PLEKHG3: variants seen among roughly 807,000 people sequenced by gnomAD.
The protein encoded by PLEKHG3 is pleckstrin homology and RhoGEF domain containing G3, also known as pleckstrin homology domain-containing family G member 3.
Under a neutral mutation model 94.9 loss-of-function variants are expected in PLEKHG3, and 62 were observed. The observed-to-expected ratio is 0.65, with a 90% CI of 0.53 to 0.81. The LOEUF (loss-of-function observed/expected upper bound fraction) is 0.81, where lower values mean the gene tolerates loss of function less well. PLEKHG3 is among the 30% of genes least tolerant of loss of function. The pLI is 0.00. For missense variants in PLEKHG3, 1,461 were observed against 1,619.3 expected (o/e 0.90, Z 1.68); for synonymous variants, 614 against 654.0 (o/e 0.94, Z 0.93).
Position 64,730,217 on chromosome 14 carries a change from A to C in PLEKHG3, c.450-26A>C. 2 of 1,337,296 alleles carry C rather than the reference A, an allele frequency of 1.5e-6. No homozygotes were observed. Among genetic ancestry groups the C allele is most frequent in the Non-Finnish European group, 2.1e-6 (2 of 965,398 alleles). The allele number at this position is 1,337,296 out of a possible 1,614,324, so 82.8% of individuals were successfully genotyped here. A position where few individuals can be genotyped will look rare whatever the true frequency, so the allele number is the denominator to read the frequency against. On this transcript the variant is annotated intron_variant, in intron 3 of 16. Coordinates refer to ENST00000247226, the MANE Select transcript of PLEKHG3 (RefSeq NM_001308147.2). This position sits in a 1 kb window ranked among gnomAD's most constrained non-coding sequence, Gnocchi z 5.4. ...GCATTGTCCTCTGACTGCAGAGGGT[A>C]CAGTGGCTGCTCTCCCCTCACCCAG...
At position 64,738,556 on chromosome 14, in the gene PLEKHG3, G is replaced by T. The variant is rs1440350975; in HGVS notation, c.1405-186G>T. Among the ~76,000 whole-genome samples the T allele has an allele frequency of 6.6e-6, 1 of 152,236 alleles. No individual in the cohort carries two copies. The highest frequency in any genetic ancestry group is 1.5e-5 in the Non-Finnish European group (1 of 68,048). ...GGGCTGAGGTTTTTTGAAGCTGCAT[G>T]CCTGACAAGGCTTTCCGCAGCCCCA... On this transcript the variant is annotated intron_variant, in intron 14 of 16. Coordinates refer to ENST00000247226, the MANE Select transcript of PLEKHG3 (RefSeq NM_001308147.2). The surrounding 1 kb of genome is among the most constrained non-coding windows in gnomAD (Gnocchi z 4.8).
At position 64,731,591 on chromosome 14, in the gene PLEKHG3, A is replaced by G; in HGVS notation, c.1032+48A>G. The G allele has an allele frequency of 6.3e-7, 1 of 1,586,034 alleles. No individual in the cohort carries two copies. The highest frequency in any genetic ancestry group is 8.7e-7 in the Non-Finnish European group (1 of 1,155,208). On this transcript the variant is annotated intron_variant, in intron 8 of 16. Transcript: ENST00000247226. The surrounding 1 kb of genome is among the most constrained non-coding windows in gnomAD (Gnocchi z 6.1). ...CCTCTGCCATCTTCTCTCCTTCCCAAAGGATCTGGGCTCCCCTTCTTGTCT... is the reference window on the plus strand; with the variant it reads ...CCTCTGCCATCTTCTCTCCTTCCCAGAGGATCTGGGCTCCCCTTCTTGTCT...
chr14:64,709,388 G>A (rs1278387536), intron 1 of PLEKHG3, among the ~76,000 whole-genome samples: 1 of 152,182 alleles, frequency 6.6e-6, no homozygotes, highest in African/African-American at 2.4e-5. Flanking sequence ...TACAGTTCTG[G>A]CGGCTGGCCT....
At position 64,749,298 on chromosome 14, in the gene PLEKHG3, C is replaced by A; in HGVS notation, c.*5595C>A. ...TCCCGACTCCGCCGCGCCCGCCAGC[C>A]CCACCTGCTACTTCTTTTTGGGGAA... On this transcript the variant is annotated 3_prime_UTR_variant, in exon 17 of 17. Coordinates refer to ENST00000247226, the MANE Select transcript of PLEKHG3 (RefSeq NM_001308147.2). The surrounding 1 kb of genome is among the most constrained non-coding windows in gnomAD (Gnocchi z 4.7). The A allele has an allele frequency of 6.3e-7, 1 of 1,593,364 alleles. No individual in the cohort carries two copies. Among genetic ancestry groups the A allele is most frequent in the East Asian group, 2.3e-5 (1 of 44,048 alleles).
At position 64,749,713 on chromosome 14, in the gene PLEKHG3, T is replaced by C. The variant is rs1384230730; in HGVS notation, c.*6010T>C. On this transcript the variant is annotated 3_prime_UTR_variant, in exon 17 of 17. Coordinates refer to ENST00000247226, the MANE Select transcript of PLEKHG3 (RefSeq NM_001308147.2). The surrounding 1 kb of genome is among the most constrained non-coding windows in gnomAD (Gnocchi z 4.7). ...TTACTCAGCCTAGGAGGACAAAGGGTTTCCTGTCATGGAGACACCTCTGGA... is the reference window on the plus strand; with the variant it reads ...TTACTCAGCCTAGGAGGACAAAGGGCTTCCTGTCATGGAGACACCTCTGGA... The C allele has an allele frequency of 6.2e-6, 10 of 1,612,928 alleles. No individual in the cohort carries two copies. Among genetic ancestry groups the C allele is most frequent in the African/African-American group, 1.3e-5 (1 of 74,848 alleles).
chr14:64,721,558 C>G lies in PLEKHG3; in HGVS notation c.-39-6035C>G, dbSNP rs1287920070. 2.0e-5 allele frequency among the ~76,000 whole-genome samples: 3 copies of G among 152,182 alleles called. No homozygotes were observed. The East Asian group carries it at 5.8e-4, about 29-fold the overall frequency. On this transcript the variant is annotated intron_variant, in intron 1 of 16. Transcript: ENST00000247226. The surrounding 1 kb of genome is among the most constrained non-coding windows in gnomAD (Gnocchi z 4.3). ...TTCCTGAGGGAAAATGAATTTGAAC[C>G]AGCTGGGCTGGGTTTGGGTGGCCCA... is the stretch of plus-strand genomic sequence containing the variant.
intron 1 of PLEKHG3, among the ~76,000 whole-genome samples, chr14:64,719,124 G>T (rs2081219819): frequency 6.6e-6 from 1 of 152,182 alleles, no homozygotes; most frequent in South Asian, 2.1e-4. Context: ...CTGTGTGTCT[G>T]CCCTTAGAAG....
chr14:64,717,739 G>A lies in PLEKHG3; in HGVS notation c.-39-9854G>A, dbSNP rs535873891. Among the ~76,000 whole-genome samples, 3 of 152,372 alleles carry A rather than the reference G, an allele frequency of 2.0e-5. No homozygotes were observed. The South Asian group carries it at 6.2e-4, about 32-fold the overall frequency. On this transcript the variant is annotated intron_variant, in intron 1 of 16. Coordinates refer to ENST00000247226, the MANE Select transcript of PLEKHG3 (RefSeq NM_001308147.2). The surrounding 1 kb of genome is among the most constrained non-coding windows in gnomAD (Gnocchi z 4.7). ...CGATCTCTCGCTCCTCCTCGAAGCT[G>A]TCTCTGAATAGCCAGCACCTTCCTG...
chr14:64,738,005 A>AG lies in PLEKHG3; in HGVS notation c.1404+631dup. The stretch of plus-strand genomic sequence containing the variant: ...AGGAGGAGGAGGAGGAGGAGGAGGA[A>AG]GAGCAGGCCTTTCAGGTCTCTCTGG... On this transcript the variant is annotated intron_variant, in intron 14 of 16. Coordinates refer to ENST00000247226, the MANE Select transcript of PLEKHG3 (RefSeq NM_001308147.2). The surrounding 1 kb of genome is among the most constrained non-coding windows in gnomAD (Gnocchi z 4.8). 1.7e-6 allele frequency: 2 copies of AG among 1,185,434 alleles called. No homozygotes were observed. The highest frequency in any genetic ancestry group is 2.2e-6 in the Non-Finnish European group (2 of 928,480). The allele number at this position is 1,185,434 out of a possible 1,614,324, so 73.4% of individuals were successfully genotyped here.
rs1432868890 is a variant in PLEKHG3, at chr14:64,717,821, C to G, written c.-39-9772C>G. Among the ~76,000 whole-genome samples, 1 of 152,216 alleles carries G rather than the reference C, an allele frequency of 6.6e-6. No homozygotes were observed. Among genetic ancestry groups the G allele is most frequent in the East Asian group, 1.9e-4 (1 of 5,198 alleles). On this transcript the variant is annotated intron_variant, in intron 1 of 16. Coordinates refer to ENST00000247226, the MANE Select transcript of PLEKHG3 (RefSeq NM_001308147.2). This position sits in a 1 kb window ranked among gnomAD's most constrained non-coding sequence, Gnocchi z 4.7. ...CTCTAGGGACACCTGCAGCCACAGC[C>G]CATATCATGGTTTGGACCTTTTTAG...
At position 64,707,298 on chromosome 14, in the gene PLEKHG3, G is replaced by A. The variant is rs149618815; in HGVS notation, c.-40+2594G>A. On this transcript the variant is annotated intron_variant, in intron 1 of 16. Coordinates refer to ENST00000247226, the MANE Select transcript of PLEKHG3 (RefSeq NM_001308147.2). The stretch of plus-strand genomic sequence containing the variant: ...ATCTGGGCCCCACAACTCACCTCTG[G>A]CCAGATTCCCACACCGTCTTTTCTC... Among the ~76,000 whole-genome samples the A allele has an allele frequency of 1.1e-3, 169 of 152,290 alleles. 1 individual carries two copies. Among genetic ancestry groups the A allele is most frequent in the African/African-American group, 3.8e-3 (156 of 41,566 alleles).
rs2081350399 is a variant in PLEKHG3 at position 64,726,213 on chromosome 14, C to T, written c.-39-1380C>T. Among the ~76,000 whole-genome samples the T allele has an allele frequency of 6.6e-6, 1 of 152,010 alleles. No individual in the cohort carries two copies. ...CCGGAGACCCAGGGGTGTTGGTTTC[C>T]AGGTTGAGGCATAGGCACAGAAAAC... On this transcript the variant is annotated intron_variant, in intron 1 of 16. Transcript: ENST00000247226. This position sits in a 1 kb window ranked among gnomAD's most constrained non-coding sequence, Gnocchi z 5.1.
intron 12 of PLEKHG3, among the ~76,000 whole-genome samples, chr14:64,734,583 G>A (rs1011979877): frequency 7.2e-5 from 11 of 152,234 alleles, no homozygotes; most frequent in Non-Finnish European, 1.6e-4. Flanking sequence ...CTCAGGAAAT[G>A]AGCCATTTTA....
In PLEKHG3 at chr14:64,728,395, A is replaced by T. The variant is rs2081393833; in HGVS notation, c.351+413A>T. Among the ~76,000 whole-genome samples, 1 of 152,258 alleles carries T rather than the reference A, an allele frequency of 6.6e-6. No homozygotes were observed. On this transcript the variant is annotated intron_variant, in intron 2 of 16. Transcript: ENST00000247226. This position sits in a 1 kb window ranked among gnomAD's most constrained non-coding sequence, Gnocchi z 5.9. Reference sequence around the variant, plus strand: ...TTGTAGGTGAAGGGCACGGAAGGGCAGCTGTGTGGCTGCCACTGAGGAAGC... The same window carrying T: ...TTGTAGGTGAAGGGCACGGAAGGGCTGCTGTGTGGCTGCCACTGAGGAAGC...
In PLEKHG3 at chr14:64,743,111, G is replaced by C; in HGVS notation, c.3068G>C (p.Ser1023Thr). 1 of 1,612,694 alleles carries C rather than the reference G, an allele frequency of 6.2e-7. No homozygotes were observed. The highest frequency in any genetic ancestry group is 8.5e-7 in the Non-Finnish European group (1 of 1,180,006). The change falls in exon 17 of 17, where the codon AGC (serine) becomes ACC (threonine). Residue 1023 changes from serine (S) to threonine (T), a missense_variant. This residue lies in a region of PLEKHG3 where 1,201 missense variants were observed against 1,295.5 expected (regional missense o/e 0.93). Transcript: ENST00000247226. This position sits in a 1 kb window ranked among gnomAD's most constrained non-coding sequence, Gnocchi z 7.2. ...TTCTTCTTCAACCCGTCTGCTGTCA[G>C]CCAGAGGACCACCTCGCCTGGGGGC... is the stretch of plus-strand genomic sequence containing the variant. ...QRFFFNPSAVSQRTTSPGGRP... is the reference protein window; with the variant it reads ...QRFFFNPSAVTQRTTSPGGRP...
At chr14:64,737,513 G>A in intron 14 of PLEKHG3, 138 bp downstream of exon 14, 1 of 642,744 alleles carries the variant, frequency 1.6e-6, no homozygotes, top group Non-Finnish European at 2.7e-6. Context: ...ACCAGGCTGT[G>A]TGGCTTAGGG....
rs2081158130 is a variant in PLEKHG3 at position 64,716,486 on chromosome 14, AC to A, written c.-39-11106del. On this transcript the variant is annotated intron_variant, in intron 1 of 16. Transcript: ENST00000247226. This position sits in a 1 kb window ranked among gnomAD's most constrained non-coding sequence, Gnocchi z 5.0. ...CACACAACACACACACACACAACAC[AC>A]ACACACACAACACACACACACACAC... 7.8e-6 allele frequency among the ~76,000 whole-genome samples: 1 copy of A among 128,410 alleles called. No individual in the cohort carries two copies. The highest frequency in any genetic ancestry group is 1.7e-5 in the Non-Finnish European group (1 of 60,078). 84.2% of individuals were successfully genotyped at this position (128,410 alleles called of 152,430 possible).
chr14:64,722,565 G>C lies in PLEKHG3; in HGVS notation c.-39-5028G>C, dbSNP rs774602433. Among the ~76,000 whole-genome samples, 1 of 152,192 alleles carries C rather than the reference G, an allele frequency of 6.6e-6. No homozygotes were observed. The highest frequency in any genetic ancestry group is 1.9e-4 in the East Asian group (1 of 5,190). Reference sequence around the variant, plus strand: ...CAGGTGCCGTGTGGATTCCTCCCCAGCTGGGGCCTTTGGAGCAGCTGCCCC... The same window carrying C: ...CAGGTGCCGTGTGGATTCCTCCCCACCTGGGGCCTTTGGAGCAGCTGCCCC... On this transcript the variant is annotated intron_variant, in intron 1 of 16. Transcript: ENST00000247226. The surrounding 1 kb of genome is among the most constrained non-coding windows in gnomAD (Gnocchi z 4.3).
chr14:64,721,648 G>A lies in PLEKHG3; in HGVS notation c.-39-5945G>A, dbSNP rs574110801. On this transcript the variant is annotated intron_variant, in intron 1 of 16. Coordinates refer to ENST00000247226, the MANE Select transcript of PLEKHG3 (RefSeq NM_001308147.2). The surrounding 1 kb of genome is among the most constrained non-coding windows in gnomAD (Gnocchi z 4.3). ...GTCACGTTGCTCACATGCACACAAAGTCACTCCCCGGGGAGCCTTCTCTCG... is the reference window on the plus strand; with the variant it reads ...GTCACGTTGCTCACATGCACACAAAATCACTCCCCGGGGAGCCTTCTCTCG... Among the ~76,000 whole-genome samples the A allele has an allele frequency of 6.6e-6, 1 of 152,230 alleles. No individual in the cohort carries two copies. The highest frequency in any genetic ancestry group is 1.9e-4 in the East Asian group (1 of 5,188).
Sources: allele counts gnomAD v4.1 joint callset (sites outside exome capture counted in the v4.1 genomes callset), GRCh38; gene constraint gnomAD v4.1.1; regional missense constraint gnomAD v4.1.1; non-coding constraint Gnocchi (gnomAD v3.1); transcripts MANE v1.5; gene names NCBI Gene and HGNC (gene_info 2026-07-23, HGNC 2026-07-21).